GLP1R: variants seen among roughly 807,000 people sequenced by gnomAD.
GLP1R encodes glucagon-like peptide 1 receptor.
Under a neutral mutation model 68.4 loss-of-function variants are expected in GLP1R, and 32 were observed. That is an observed-to-expected ratio of 0.47 (90% CI 0.35 to 0.63). The LOEUF (loss-of-function observed/expected upper bound fraction) is 0.63. GLP1R is among the 20% of genes least tolerant of loss of function. The pLI, the probability that GLP1R is intolerant of heterozygous loss-of-function variation, is 0.00. For missense variants in GLP1R, 502 were observed against 594.9 expected, an observed-to-expected ratio of 0.84 and a Z score of 1.62; for synonymous variants, 263 against 244.4, an observed-to-expected ratio of 1.08 and a Z score of -0.71.
rs990762891 is a variant in GLP1R, at chr6:39,079,339, A to T, written c.1043+139A>T. On this transcript the variant is annotated intron_variant, in intron 10 of 12. Transcript: ENST00000373256. This position sits in a 1 kb window ranked among gnomAD's most constrained non-coding sequence, Gnocchi z 4.5. ...TCCTTCCACCCAGGCCTGGCCTTGG[A>T]CCCCAAACCCTTGCTTTTGCCCTGT... The T allele has an allele frequency of 2.5e-6, 2 of 813,810 alleles. No individual in the cohort carries two copies. Among genetic ancestry groups the T allele is most frequent in the Non-Finnish European group, 4.0e-6 (2 of 500,496 alleles). 50.4% of individuals were successfully genotyped at this position (813,810 alleles called of 1,614,324 possible).
rs750122674 is a variant in GLP1R, at chr6:39,056,485, C to T, written c.167C>T (p.Pro56Leu). 6 of 1,574,512 alleles carry T rather than the reference C, an allele frequency of 3.8e-6. No individual in the cohort carries two copies. The Admixed American group carries it at 8.3e-5, about 22-fold the overall frequency. Reference sequence around the variant, plus strand: ...CGCTCCCTGACTGAGGATCCACCTCCTGCCACAGGTGAGTCCATGTAGGCT... The same window carrying T: ...CGCTCCCTGACTGAGGATCCACCTCTTGCCACAGGTGAGTCCATGTAGGCT... ...CQRSLTEDPP[P>L]ATDLFCNRTF... The change falls in exon 2 of 13, where the codon CCT becomes CTT. Residue 56 changes from proline (P) to leucine (L), a missense_variant. Coordinates refer to ENST00000373256, the MANE Select transcript of GLP1R (RefSeq NM_002062.5).
At chr6:39,069,185 CA>C (rs1358407304) in intron 5 of GLP1R, among the ~76,000 whole-genome samples, 3 of 152,146 alleles carry the variant, frequency 2.0e-5, no homozygotes, top group African/African-American at 7.2e-5. Flanking sequence ...ACAATTCAGC[CA>C]AGTTATTTGC....
In GLP1R at chr6:39,049,693, C is replaced by G. The variant is rs1355271218; in HGVS notation, c.78+775C>G. 3.9e-5 allele frequency among the ~76,000 whole-genome samples: 6 copies of G among 152,196 alleles called. No homozygotes were observed. Among genetic ancestry groups the G allele is most frequent in the Non-Finnish European group, 8.8e-5 (6 of 68,038 alleles). On this transcript the variant is annotated intron_variant, in intron 1 of 12. Transcript: ENST00000373256. This position sits in a 1 kb window ranked among gnomAD's most constrained non-coding sequence, Gnocchi z 4.5. Reference sequence around the variant, plus strand: ...GGCATACTGGGACACGCAAGAACACCTGGGCTCCTTGGTGCCACCAGAGAG... The same window carrying G: ...GGCATACTGGGACACGCAAGAACACGTGGGCTCCTTGGTGCCACCAGAGAG...
chr6:39,080,804 T>G, intron 12 of GLP1R, 65 bp downstream of exon 12: 1 of 957,326 alleles, frequency 1.0e-6, no homozygotes. Flanking sequence ...TCTGGAGTAG[T>G]ACAATGGGGA....
In GLP1R at chr6:39,088,062, G is replaced by C. The variant is rs1004044419; in HGVS notation, c.*1989G>C. Among the ~76,000 whole-genome samples the C allele has an allele frequency of 2.0e-5, 3 of 152,152 alleles. No individual in the cohort carries two copies. Among genetic ancestry groups the C allele is most frequent in the Admixed American group, 6.5e-5 (1 of 15,272 alleles). On this transcript the variant is annotated 3_prime_UTR_variant, in exon 13 of 13. Transcript: ENST00000373256. ...AATCTGTGTGAAATAAATTGCTGAGGAGAGGGATTGTAGGGAAGAAGTTGC... is the reference window on the plus strand; with the variant it reads ...AATCTGTGTGAAATAAATTGCTGAGCAGAGGGATTGTAGGGAAGAAGTTGC...
At chr6:39,052,117 G>A (rs569783207) in intron 1 of GLP1R, among the ~76,000 whole-genome samples, 6 of 152,134 alleles carry the variant, frequency 3.9e-5, no homozygotes, top group South Asian at 4.2e-4. Flanking sequence ...GCTTGGGGGC[G>A]TGTGTGATGA....
At chr6:39,072,819 T>G in intron 5 of GLP1R, 43 bp from the exon 6 acceptor site, 1 of 1,587,190 alleles carries the variant, frequency 6.3e-7, no homozygotes, top group Non-Finnish European at 8.6e-7. Flanking sequence ...AGAGCAGAAC[T>G]GTTGGCTGCC....
chr6:39,069,225 T>G (rs1768594141), intron 5 of GLP1R, among the ~76,000 whole-genome samples: 1 of 152,240 alleles, frequency 6.6e-6, no homozygotes, highest in South Asian at 2.1e-4. Context: ...TGGCATTTCC[T>G]CTGGTCTCCA....
At chr6:39,084,524 C>A (rs1769094873) in intron 12 of GLP1R, among the ~76,000 whole-genome samples, 2 of 152,168 alleles carry the variant, frequency 1.3e-5, no homozygotes, top group South Asian at 4.1e-4. Flanking sequence ...ACAAGCCTGG[C>A]CTCCTGGCAG....
Position 39,086,027 on chromosome 6 carries a change from C to T in GLP1R, c.1346C>T (p.Ala449Val), listed in dbSNP as rs189969666. ...AGCAGCCTGAGCAGTGGAGCCACGG[C>T]GGGCAGCAGCATGTACACAGCCACT... The part of the protein sequence containing the change: ...PTSSLSSGAT[A>V]GSSMYTATCQ... The change falls in exon 13 of 13, where the codon GCG becomes GTG. Residue 449 changes from alanine to valine, a missense_variant. Coordinates refer to ENST00000373256, the MANE Select transcript of GLP1R (RefSeq NM_002062.5). The surrounding 1 kb of genome is among the most constrained non-coding windows in gnomAD (Gnocchi z 4.5). The T allele has an allele frequency of 1.2e-5, 19 of 1,614,006 alleles. No individual in the cohort carries two copies. In the African/African-American group the frequency reaches 1.3e-4, roughly 11 times the overall value.
In GLP1R at chr6:39,065,923, T is replaced by C. The variant is rs10305453; in HGVS notation, c.402+94T>C. ...GACCCTTGGCTTTGATGGGGGCATC[T>C]GTGGTCATTTCATCCATCTCCTTGC... is the stretch of plus-strand genomic sequence containing the variant. On this transcript the variant is annotated intron_variant, in intron 4 of 12. Coordinates refer to ENST00000373256, the MANE Select transcript of GLP1R (RefSeq NM_002062.5). The C allele has an allele frequency of 4.8e-3, 3,597 of 744,238 alleles. 102 individuals are homozygous for C. The African/African-American group carries it at 0.053, about 11-fold the overall frequency. The allele number at this position is 744,238 out of a possible 1,614,324, so 46.1% of individuals were successfully genotyped here. A position where few individuals can be genotyped will look rare whatever the true frequency, so the allele number is the denominator to read the frequency against.
Position 39,073,724 on chromosome 6 carries a change from T to G in GLP1R, c.778T>G (p.Leu260Val). ...YLYTLLAFSV[L>V]SEQWIFRLYV... ...GTACACACTGCTGGCCTTCTCGGTC[T>G]TATCTGAGCAATGGATCTTCAGGCT... The change falls in exon 7 of 13, where the codon TTA (leucine) becomes GTA (valine). Residue 260 changes from leucine (L) to valine (V), a missense_variant. Physicochemically the swap from Leu to Val is conservative, Grantham distance 32. Transcript: ENST00000373256. The G allele has an allele frequency of 1.9e-6, 3 of 1,614,054 alleles. No individual in the cohort carries two copies. The highest frequency in any genetic ancestry group is 2.5e-6 in the Non-Finnish European group (3 of 1,179,916).
At position 39,090,386 on chromosome 6, in the gene GLP1R, A is replaced by AT. The variant is rs1214852296; in HGVS notation, c.*4317dup. 1.3e-5 allele frequency among the ~76,000 whole-genome samples: 2 copies of AT among 151,940 alleles called. No homozygotes were observed. The highest frequency in any genetic ancestry group is 2.9e-5 in the Non-Finnish European group (2 of 67,982). ...CTCTCTTCTTTGGCCATTTTAGCCT[A>AT]TTTTCCAGGACCTTGTCTAGCAGTG... On this transcript the variant is annotated 3_prime_UTR_variant, in exon 13 of 13. Transcript: ENST00000373256.
intron 3 of GLP1R, 70 bp from the exon 4 acceptor site, chr6:39,065,641 G>C: frequency 1.1e-6 from 1 of 885,718 alleles, no homozygotes; most frequent in South Asian, 1.5e-5. Flanking sequence ...GGGGAGGAAG[G>C]GGAGCATCTA....
In GLP1R at chr6:39,086,204, C is replaced by T. The variant is rs200415201; in HGVS notation, c.*131C>T. ...ACACACACACACACACACACACACA[C>T]ATACATCCTGCTTTCCCTCCCCAAA... On this transcript the variant is annotated 3_prime_UTR_variant, in exon 13 of 13. Coordinates refer to ENST00000373256, the MANE Select transcript of GLP1R (RefSeq NM_002062.5). The surrounding 1 kb of genome is among the most constrained non-coding windows in gnomAD (Gnocchi z 4.5). 1 of 489,850 alleles carries T rather than the reference C, an allele frequency of 2.0e-6. No homozygotes were observed. Among genetic ancestry groups the T allele is most frequent in the Non-Finnish European group, 3.2e-6 (1 of 309,788 alleles). 30.3% of individuals were successfully genotyped at this position (489,850 alleles called of 1,614,324 possible). A position where few individuals can be genotyped will look rare whatever the true frequency, so the allele number is the denominator to read the frequency against.
In GLP1R at chr6:39,085,861, T is replaced by C. The variant is rs746800410; in HGVS notation, c.1225-45T>C. On this transcript the variant is annotated intron_variant, in intron 12 of 12. Transcript: ENST00000373256. The stretch of plus-strand genomic sequence containing the variant: ...AATAGTGGGGCCATTTTGTTAGCCA[T>C]TGGTTTGCATGATGGCTTTCGTTTC... 34 of 1,593,592 alleles carry C rather than the reference T, an allele frequency of 2.1e-5. No homozygotes were observed. The South Asian group carries it at 3.0e-4, about 14-fold the overall frequency.
chr6:39,074,166 G>A (rs916778150), intron 7 of GLP1R: 1 of 169,824 alleles, frequency 5.9e-6, no homozygotes, highest in Admixed American at 5.9e-5. Flanking sequence ...GGATCAAGAG[G>A]GTAGGGGGCT....
intron 7 of GLP1R, among the ~76,000 whole-genome samples, chr6:39,077,713 C>T (rs1768867607): frequency 6.6e-6 from 1 of 152,038 alleles, no homozygotes; most frequent in African/African-American, 2.4e-5. Flanking sequence ...CAAGTCAAGT[C>T]TCAGCCGAGT....
intron 5 of GLP1R, among the ~76,000 whole-genome samples, chr6:39,068,373 AC>A (rs954106501): frequency 3.3e-5 from 5 of 151,858 alleles, no homozygotes; most frequent in African/African-American, 1.2e-4. Flanking sequence ...TGGTGGCTCT[AC>A]CAGTCTGGGG....
Sources: gnomAD v4.1 joint callset for allele counts (sites outside exome capture counted in the v4.1 genomes callset) on GRCh38, gnomAD v4.1.1 for gene constraint, Gnocchi (gnomAD v3.1) non-coding constraint, MANE v1.5 for transcripts, NCBI Gene and HGNC (gene_info 2026-07-23, HGNC 2026-07-21) for gene names.